PLS1: variants seen among roughly 807,000 people sequenced by gnomAD.
PLS1 encodes the protein plastin-1.
In PLS1, 32 loss-of-function variants were observed where a neutral mutation model predicts 73.7. The ratio of observed to expected loss-of-function variants is 0.43; its 90% CI spans 0.33 to 0.58. The LOEUF is 0.58. Among genes scored for constraint, PLS1 ranks in the 20% least tolerant of loss-of-function variants. The probability of loss-of-function intolerance (pLI) is 0.04; values close to 1 mark genes in which losing one functional copy is unlikely to be tolerated. For missense variants in PLS1, 633 were observed against 740.5 expected, an observed-to-expected ratio of 0.85 and a Z score of 1.68; for synonymous variants, 217 against 261.3, an observed-to-expected ratio of 0.83 and a Z score of 1.63.
intron 1 of PLS1, chr3:142,645,491 G>T (rs1387145899): frequency 6.6e-6 from 1 of 152,154 alleles, no homozygotes; most frequent in Admixed American, 6.5e-5. Flanking sequence ...GACTCAAGTT[G>T]GATCATCAGA....
At chr3:142,707,101 G>A (rs902652325) in intron 14 of PLS1, among the ~76,000 whole-genome samples, 9 of 152,312 alleles carry the variant, frequency 5.9e-5, no homozygotes, top group African/African-American at 2.2e-4. Context: ...TTAGAACTGA[G>A]GTGGCAGAAA....
intron 1 of PLS1, among the ~76,000 whole-genome samples, chr3:142,641,871 A>G (rs1381893500): frequency 6.6e-6 from 1 of 151,864 alleles, no homozygotes; most frequent in African/African-American, 2.4e-5. Flanking sequence ...TTCTATCTGT[A>G]GTATGTGTTA....
At chr3:142,601,017 G>A (rs2035917433) in intron 1 of PLS1, among the ~76,000 whole-genome samples, 2 of 136,682 alleles carry the variant, frequency 1.5e-5, no homozygotes, top group East Asian at 2.2e-4. Flanking sequence ...TCCGCCTCCC[G>A]GGTTCACGCC....
intron 1 of PLS1, among the ~76,000 whole-genome samples, chr3:142,644,652 C>T (rs1392409414): frequency 1.3e-5 from 2 of 152,132 alleles, no homozygotes; most frequent in Non-Finnish European, 2.9e-5. Context: ...TAATTTTACC[C>T]CTCAATCTAA....
intron 4 of PLS1, among the ~76,000 whole-genome samples, chr3:142,675,662 GGC>G (rs1340876813): frequency 6.6e-6 from 1 of 151,888 alleles, no homozygotes; most frequent in Non-Finnish European, 1.5e-5. Flanking sequence ...TGGGATTACA[GGC>G]GTGAGCCACC....
chr3:142,678,190 C>G, intron 6 of PLS1, 77 bp downstream of exon 6: 1 of 608,628 alleles, frequency 1.6e-6, no homozygotes, highest in Non-Finnish European at 2.7e-6. Flanking sequence ...ATGCTTGGAC[C>G]CAGATAAAAC....
In PLS1 at chr3:142,611,441, G is replaced by C. The variant is rs555454799; in HGVS notation, c.-37+14932G>C. On this transcript the variant is annotated intron_variant, in intron 1 of 15. Coordinates refer to ENST00000457734, the MANE Select transcript of PLS1 (RefSeq NM_001145319.2). ...ATTCAAGACCAGCCTGGGCTACATA[G>C]TGAGATCTTGTCTCTACAAAAAATT... Among the ~76,000 whole-genome samples, 5 of 152,312 alleles carry C rather than the reference G, an allele frequency of 3.3e-5. No homozygotes were observed. In the South Asian group the frequency reaches 1.0e-3, roughly 32 times the overall value.
intron 10 of PLS1, 35 bp from the exon 11 acceptor site, chr3:142,694,434 C>T (rs745426913): frequency 7.3e-7 from 1 of 1,361,062 alleles, no homozygotes; most frequent in Admixed American, 1.7e-5. Context: ...TTCCTTTTGT[C>T]CTGAGTCATC....
In PLS1 at chr3:142,644,026, C is replaced by T. The variant is rs182667953; in HGVS notation, c.-36-20176C>T. ...GTATTCTAGTAGAGATGGGATTTCACCATGTTGGCCAGGCTGGTCTCGAAC... is the reference window on the plus strand; with the variant it reads ...GTATTCTAGTAGAGATGGGATTTCATCATGTTGGCCAGGCTGGTCTCGAAC... On this transcript the variant is annotated intron_variant, in intron 1 of 15. Transcript: ENST00000457734. Among the ~76,000 whole-genome samples, 828 of 152,000 alleles carry T rather than the reference C, an allele frequency of 5.4e-3. 6 individuals are homozygous for T. The highest frequency in any genetic ancestry group is 6.6e-3 in the Non-Finnish European group (445 of 67,934).
At chr3:142,688,510 G>T (rs761325925) in intron 9 of PLS1, among the ~76,000 whole-genome samples, 1 of 152,176 alleles carries the variant, frequency 6.6e-6, no homozygotes, top group Non-Finnish European at 1.5e-5. Flanking sequence ...AAACTTTGAC[G>T]TGACATTTTC....
At chr3:142,644,520 T>C (rs1263090795) in intron 1 of PLS1, among the ~76,000 whole-genome samples, 4 of 152,222 alleles carry the variant, frequency 2.6e-5, no homozygotes, top group African/African-American at 9.6e-5. Flanking sequence ...CCCAAAGTGC[T>C]GGGATTATAG....
intron 1 of PLS1, among the ~76,000 whole-genome samples, chr3:142,625,513 C>A (rs915899017): frequency 1.3e-5 from 2 of 152,132 alleles, no homozygotes; most frequent in African/African-American, 4.8e-5. Flanking sequence ...TTCTCCTTTT[C>A]AAATGTTGGA....
chr3:142,693,382 C>T (rs1916638), intron 10 of PLS1, among the ~76,000 whole-genome samples: 27,568 of 151,990 alleles, frequency 0.18, 2,783 homozygotes, highest in Middle Eastern at 0.27. Context: ...TCTATACGAA[C>T]GAGCCCCTGG....
intron 1 of PLS1, among the ~76,000 whole-genome samples, chr3:142,610,330 C>T (rs771636524): frequency 2.0e-5 from 3 of 152,132 alleles, no homozygotes; most frequent in Non-Finnish European, 4.4e-5. Flanking sequence ...CAGATTGTCA[C>T]TAAATTACCT....
chr3:142,683,165 A>G (rs1175397508), intron 6 of PLS1, among the ~76,000 whole-genome samples: 1 of 152,224 alleles, frequency 6.6e-6, no homozygotes, highest in Non-Finnish European at 1.5e-5. Context: ...AATTGTCGCT[A>G]TTACTGCTAC....
intron 13 of PLS1, 35 bp downstream of exon 13, chr3:142,704,036 T>C (rs1560077666): frequency 4.4e-6 from 7 of 1,594,230 alleles, no homozygotes; most frequent in African/African-American, 2.7e-5. Flanking sequence ...ACACTGCCTG[T>C]TTCCTCCAAC....
At chr3:142,691,702 C>G (rs887672863) in intron 10 of PLS1, among the ~76,000 whole-genome samples, 3 of 152,084 alleles carry the variant, frequency 2.0e-5, no homozygotes, top group Admixed American at 6.6e-5. Context: ...ATGTATTTGA[C>G]TTTGACTGTC....
At chr3:142,638,856 C>T (rs56328361) in intron 1 of PLS1, among the ~76,000 whole-genome samples, 13,562 of 152,098 alleles carry the variant, frequency 0.089, 696 homozygotes, top group Non-Finnish European at 0.12. Context: ...ATTCTCCTGC[C>T]TCAGCCTCCT....
chr3:142,657,162 A>C (rs921140272), intron 1 of PLS1: 4 of 152,272 alleles, frequency 2.6e-5, no homozygotes, highest in Non-Finnish European at 5.9e-5. Context: ...CCCTTGGCTT[A>C]GTCGGCAGAT....
Sources: allele counts gnomAD v4.1 joint callset (sites outside exome capture counted in the v4.1 genomes callset), GRCh38; gene constraint gnomAD v4.1.1; transcripts MANE v1.5; gene names NCBI Gene and HGNC (gene_info 2026-07-23, HGNC 2026-07-21).